TNRC6A: variants seen among roughly 807,000 people sequenced by gnomAD.
The protein encoded by TNRC6A is trinucleotide repeat-containing gene 6A protein.
TNRC6A carries 44 observed loss-of-function variants against 221.2 expected under a neutral mutation model. The observed-to-expected ratio is 0.20, with a 90% CI of 0.16 to 0.26. The LOEUF (loss-of-function observed/expected upper bound fraction) is 0.26. Among genes scored for constraint, TNRC6A ranks in the 10% least tolerant of loss-of-function variants. The pLI, the probability that TNRC6A is intolerant of heterozygous loss-of-function variation, is 1.00. For synonymous variants in TNRC6A, 847 were observed against 838.5 expected (o/e 1.01, Z -0.18); for missense variants, 2,199 against 2,404.4 (o/e 0.91, Z 1.79).
At chr16:24,805,470 A>G (rs2058411080) in intron 14 of TNRC6A, 135 bp from the exon 15 acceptor site, 1 of 1,286,254 alleles carries the variant, frequency 7.8e-7, no homozygotes, top group South Asian at 1.4e-5. Context: ...AGTTAGTAAG[A>G]CAGAGACAAA....
At chr16:24,623,348 G>T (rs745614901) in intron 1 of TNRC6A, among the ~76,000 whole-genome samples, 1 of 151,982 alleles carries the variant, frequency 6.6e-6, no homozygotes, top group Non-Finnish European at 1.5e-5. Flanking sequence ...ACAGGCGCCC[G>T]CTGCCACGCC....
At chr16:24,816,998 A>G (rs751075571) in intron 20 of TNRC6A, 42 bp downstream of exon 20, 1 of 1,591,440 alleles carries the variant, frequency 6.3e-7, no homozygotes, top group Non-Finnish European at 8.6e-7. Context: ...GACACTTAAC[A>G]CAGTTTAAGA....
chr16:24,780,403 C>T (rs749577377), intron 5 of TNRC6A, among the ~76,000 whole-genome samples: 32 of 152,168 alleles, frequency 2.1e-4, no homozygotes, highest in Non-Finnish European at 4.6e-4. Context: ...CCTATACAAC[C>T]ACAATACCAT....
intron 2 of TNRC6A, among the ~76,000 whole-genome samples, chr16:24,652,527 C>A (rs924370477): frequency 6.6e-6 from 1 of 152,158 alleles, no homozygotes; most frequent in Non-Finnish European, 1.5e-5. Flanking sequence ...ACCTCAGCAC[C>A]GATTGGCATC....
chr16:24,711,968 T>C (rs992893076), intron 2 of TNRC6A, among the ~76,000 whole-genome samples: 3 of 151,802 alleles, frequency 2.0e-5, no homozygotes, highest in Non-Finnish European at 4.4e-5. Flanking sequence ...GCTTCTTTCT[T>C]AATATTTTTA....
intron 2 of TNRC6A, among the ~76,000 whole-genome samples, chr16:24,649,739 A>C (rs59482817): frequency 6.6e-6 from 1 of 150,592 alleles, no homozygotes; most frequent in South Asian, 2.1e-4. Flanking sequence ...TTATTCCTCC[A>C]GTCTAACTGA....
chr16:24,654,535 T>G (rs1034335964), intron 2 of TNRC6A, among the ~76,000 whole-genome samples: 3 of 151,994 alleles, frequency 2.0e-5, no homozygotes, highest in African/African-American at 7.2e-5. Flanking sequence ...TGAAACCCCG[T>G]CTATACTTTA....
chr16:24,612,889 A>G (rs145297957), intron 1 of TNRC6A, among the ~76,000 whole-genome samples: 222 of 152,252 alleles, frequency 1.5e-3, no homozygotes, highest in African/African-American at 5.2e-3. Flanking sequence ...TCATCACACA[A>G]GATGATATAT....
Position 24,823,715 on chromosome 16 carries a change from A to G in TNRC6A, c.5797A>G (p.Ser1933Gly). ...TTCCACAAGCCTGTGGGGTCCCCCA[A>G]GCAGCAGCGACCCCCGAGGAATTAG... ...HYSTSLWGPP[S>G]SSDPRGISSP... The change falls in exon 25 of 25, where the codon AGC becomes GGC. Residue 1933 changes from serine (S) to glycine (G), a missense_variant. Ser to Gly is a moderately conservative substitution (Grantham distance 56). Around this residue, in one of 8 missense-constraint regions of TNRC6A, gnomAD observed 130 missense variants for 121.7 expected, o/e 1.07. Transcript: ENST00000395799. The surrounding 1 kb of genome is among the most constrained non-coding windows in gnomAD (Gnocchi z 4.3). The G allele has an allele frequency of 6.4e-7, 1 of 1,559,792 alleles. No homozygotes were observed. The highest frequency in any genetic ancestry group is 8.7e-7 in the Non-Finnish European group (1 of 1,153,610).
chr16:24,782,025 T>C (rs1258308085), intron 5 of TNRC6A, among the ~76,000 whole-genome samples: 1 of 152,082 alleles, frequency 6.6e-6, no homozygotes, highest in Non-Finnish European at 1.5e-5. Flanking sequence ...GGTTTCACCA[T>C]GTTAGCCAGG....
At chr16:24,724,216 G>A (rs561319502) in intron 2 of TNRC6A, among the ~76,000 whole-genome samples, 4 of 151,998 alleles carry the variant, frequency 2.6e-5, no homozygotes, top group Middle Eastern at 6.8e-3. Flanking sequence ...GTAATGTAGC[G>A]GGCTCTGGAA....
intron 11 of TNRC6A, among the ~76,000 whole-genome samples, chr16:24,802,586 T>C (rs2058351443): frequency 6.6e-6 from 1 of 152,190 alleles, no homozygotes; most frequent in South Asian, 2.1e-4. Context: ...ATGGATGTGC[T>C]TTAGCAGGCA....
At chr16:24,770,224 G>T (rs1173296873) in intron 4 of TNRC6A, among the ~76,000 whole-genome samples, 1 of 152,218 alleles carries the variant, frequency 6.6e-6, no homozygotes, top group Non-Finnish European at 1.5e-5. Flanking sequence ...TGGTGTGGTA[G>T]AAGAGAATGC....
At chr16:24,666,031 CA>C (rs1370133572) in intron 2 of TNRC6A, among the ~76,000 whole-genome samples, 1 of 152,014 alleles carries the variant, frequency 6.6e-6, no homozygotes, top group Non-Finnish European at 1.5e-5. Context: ...AAATGATGTT[CA>C]AGAGAATAAG....
Position 24,820,376 on chromosome 16 carries a change from A to G in TNRC6A, c.5302+16A>G. On this transcript the variant is annotated intron_variant, in intron 22 of 24. Transcript: ENST00000395799. Reference sequence around the variant, plus strand: ...TATACCCCAGGTAAGATGCAGTCGTAAGGTGGGTTTCTGTGGTTTATTTGC... The same window carrying G: ...TATACCCCAGGTAAGATGCAGTCGTGAGGTGGGTTTCTGTGGTTTATTTGC... 6.2e-7 allele frequency: 1 copy of G among 1,612,036 alleles called. No individual in the cohort carries two copies. The highest frequency in any genetic ancestry group is 8.5e-7 in the Non-Finnish European group (1 of 1,178,064).
At chr16:24,781,827 C>CT (rs532953420) in intron 5 of TNRC6A, among the ~76,000 whole-genome samples, 5,542 of 144,940 alleles carry the variant, frequency 0.038, 119 homozygotes, top group Non-Finnish European at 0.048. Flanking sequence ...GATTTTAACT[C>CT]TTTTTTTTTT....
At chr16:24,726,113 C>T (rs1056185209), upstream of TNRC6A, among the ~76,000 whole-genome samples, 1 of 151,984 alleles carries the variant, frequency 6.6e-6, no homozygotes, top group African/African-American at 2.4e-5. Flanking sequence ...AGTAGGTGCT[C>T]AATAAATACT....
At chr16:24,764,947 A>C (rs1848178150) in intron 4 of TNRC6A, among the ~76,000 whole-genome samples, 2 of 152,264 alleles carry the variant, frequency 1.3e-5, no homozygotes, top group Admixed American at 6.5e-5. Flanking sequence ...TAGAACAATT[A>C]TAATCTGTTG....
At chr16:24,665,711 C>A (rs2055144365) in intron 2 of TNRC6A, among the ~76,000 whole-genome samples, 1 of 152,118 alleles carries the variant, frequency 6.6e-6, no homozygotes, top group Admixed American at 6.6e-5. Flanking sequence ...CCAGTTATGA[C>A]AATAAAAAAT....
Sources: gnomAD v4.1 joint callset for allele counts (sites outside exome capture counted in the v4.1 genomes callset) on GRCh38, gnomAD v4.1.1 for gene constraint, gnomAD v4.1.1 regional missense constraint, Gnocchi (gnomAD v3.1) non-coding constraint, MANE v1.5 for transcripts, NCBI Gene and HGNC (gene_info 2026-07-23, HGNC 2026-07-21) for gene names.